The following DNAH3 variants were observed in gnomAD, a reference collection of about 807,000 sequenced individuals.
DNAH3 encodes the protein axonemal beta dynein heavy chain 3.
A neutral mutation model predicts 432.5 loss-of-function variants in DNAH3; 332 were observed. The ratio of observed to expected loss-of-function variants is 0.77; its 90% CI spans 0.70 to 0.84. The LOEUF is 0.84. Among genes scored for constraint, DNAH3 ranks in the 40% least tolerant of loss-of-function variants. The pLI, the probability that DNAH3 is intolerant of heterozygous loss-of-function variation, is 0.00. For missense variants in DNAH3, 4,861 were observed against 5,114.0 expected (o/e 0.95, Z 1.51); for synonymous variants, 1,956 against 1,900.2 (o/e 1.03, Z -0.76).
chr16:21,055,746 T>TTC (rs71928202), intron 27 of DNAH3, among the ~76,000 whole-genome samples: 1 of 47,820 alleles, frequency 2.1e-5, no homozygotes, highest in Non-Finnish European at 4.0e-5. Flanking sequence ...CAAATGCAGA[T>TTC]TTTTTTTTTT....
intron 17 of DNAH3, among the ~76,000 whole-genome samples, 171 bp from the exon 18 acceptor site, chr16:21,097,670 C>A (rs2091724417): frequency 6.6e-6 from 1 of 152,176 alleles, no homozygotes; most frequent in Non-Finnish European, 1.5e-5. Flanking sequence ...TGTCCCTCTG[C>A]CACCTCCAAG....
Position 20,994,951 on chromosome 16 carries a change from C to CT in DNAH3, c.6601+2331dup, listed in dbSNP as rs1555523275. On this transcript the variant is annotated intron_variant, in intron 44 of 61. Coordinates refer to ENST00000261383, the Ensembl canonical transcript of DNAH3. ...TAGTTTTTGGTTTCATTTTTCTTCT[C>CT]TTTTTTTTAGAGACAGGGTCTCACC... Among the ~76,000 whole-genome samples the CT allele has an allele frequency of 4.6e-5, 7 of 151,388 alleles. No individual in the cohort carries two copies. The East Asian group carries it at 1.2e-3, about 25-fold the overall frequency.
chr16:20,982,632 G>A (rs889170243), intron 49 of DNAH3, 89 bp downstream of exon 49: 1 of 1,102,156 alleles, frequency 9.1e-7, no homozygotes, highest in Non-Finnish European at 1.3e-6. Context: ...TACAAATTGA[G>A]AAATCTTCAA....
chr16:21,013,853 C>G (rs1310777760), intron 41 of DNAH3, among the ~76,000 whole-genome samples: 1 of 151,966 alleles, frequency 6.6e-6, no homozygotes, highest in Admixed American at 6.6e-5. Context: ...AGACCAATTC[C>G]TTGAAAGACA....
exon 62 of DNAH3, chr16:20,933,332 A>G (rs558284121): frequency 6.2e-7 from 1 of 1,614,214 alleles, no homozygotes; most frequent in African/African-American, 1.3e-5. Context: ...ATGCAGAAAC[A>G]TTGCGCTCTC....
chr16:21,053,452 C>G (rs1443123716), intron 28 of DNAH3, among the ~76,000 whole-genome samples: 1 of 152,090 alleles, frequency 6.6e-6, no homozygotes, highest in African/African-American at 2.4e-5. Context: ...TGTGCACTTG[C>G]ATGTGTGTGT....
chr16:21,086,746 G>C, intron 19 of DNAH3, 103 bp downstream of exon 19: 1 of 1,019,658 alleles, frequency 9.8e-7, no homozygotes, highest in Non-Finnish European at 1.5e-6. Context: ...GTCTCCTTTC[G>C]GAAAGGAGAA....
intron 50 of DNAH3, among the ~76,000 whole-genome samples, chr16:20,975,716 G>A (rs1359651029): frequency 6.6e-6 from 1 of 152,098 alleles, no homozygotes; most frequent in Non-Finnish European, 1.5e-5. Context: ...TTGTAGTGTT[G>A]GGGGTAATGG....
chr16:20,985,669 A>T, exon 48 of DNAH3: 1 of 1,614,142 alleles, frequency 6.2e-7, no homozygotes. Flanking sequence ...GAGGCTTCGA[A>T]TGTTATCATC....
At chr16:21,076,708 TC>T (rs113182674) in intron 20 of DNAH3, among the ~76,000 whole-genome samples, 4 of 152,036 alleles carry the variant, frequency 2.6e-5, no homozygotes, top group Admixed American at 6.6e-5. Context: ...CATTAATTAA[TC>T]CTTTTTTTTC....
rs1597133358 is a variant in DNAH3 at position 21,010,896 on chromosome 16, T to G, written c.6023-7689A>C. Among the ~76,000 whole-genome samples the G allele has an allele frequency of 2.6e-5, 4 of 151,166 alleles. No homozygotes were observed. In the South Asian group the frequency reaches 8.3e-4, roughly 31 times the overall value. ...ACGCCCGGCCAAAACCTGTTTTTTT[T>G]TTTTTGTTTTTTTTTGTTTTGTTTT... On this transcript the variant is annotated intron_variant, in intron 41 of 61. Transcript: ENST00000261383.
rs61746919 is a variant in DNAH3, at chr16:20,964,686, G to A, written c.9198C>T (p.Ile3066=). ...AATTGGATACAATGATGCCATTGTC[G>A]ATGGAGAAGGAGTCAACGGGAAGCC... Residue 3066 remains isoleucine (I), a synonymous_variant, in exon 53 of 62, where the codon ATC becomes ATT. Transcript: ENST00000261383. 114 of 1,614,046 alleles carry A rather than the reference G, an allele frequency of 7.1e-5. No homozygotes were observed. The Admixed American group carries it at 1.0e-3, about 14-fold the overall frequency.
At chr16:21,099,720 A>G (rs550672123) in intron 16 of DNAH3, among the ~76,000 whole-genome samples, 65 of 152,284 alleles carry the variant, frequency 4.3e-4, no homozygotes, top group South Asian at 3.1e-3. Flanking sequence ...AACAATAACA[A>G]AAAAAAGCTC....
chr16:21,042,835 C>T (rs2152734651), intron 31 of DNAH3, among the ~76,000 whole-genome samples: 1 of 152,274 alleles, frequency 6.6e-6, no homozygotes, highest in Non-Finnish European at 1.5e-5. Context: ...CACCACCCCA[C>T]AACGGTCCCC....
chr16:20,950,475 G>T (rs530142759), intron 56 of DNAH3, among the ~76,000 whole-genome samples: 1 of 152,238 alleles, frequency 6.6e-6, no homozygotes, highest in South Asian at 2.1e-4. Context: ...AGCCACTGGG[G>T]GCTGAAATCA....
intron 46 of DNAH3, 96 bp from the exon 47 acceptor site, chr16:20,987,544 T>G (rs985515406): frequency 6.4e-7 from 1 of 1,552,738 alleles, no homozygotes; most frequent in Admixed American, 1.8e-5. Flanking sequence ...ATTTGAGGAT[T>G]GAACTAGATA....
At chr16:20,970,388 G>A (rs892925574) in intron 51 of DNAH3, among the ~76,000 whole-genome samples, 8 of 152,154 alleles carry the variant, frequency 5.3e-5, no homozygotes, top group African/African-American at 1.7e-4. Context: ...GCCAGGCGTG[G>A]TGGTGGGCGC....
At chr16:21,099,543 T>C (rs1180967826) in intron 16 of DNAH3, among the ~76,000 whole-genome samples, 1 of 152,148 alleles carries the variant, frequency 6.6e-6, no homozygotes, top group Non-Finnish European at 1.5e-5. Flanking sequence ...TAGAATAATA[T>C]AGTGTGAAGT....
At chr16:21,077,445 G>A (rs1317043071) in intron 20 of DNAH3, among the ~76,000 whole-genome samples, 1 of 152,172 alleles carries the variant, frequency 6.6e-6, no homozygotes, top group Non-Finnish European at 1.5e-5. Flanking sequence ...TTACAGGCGT[G>A]AGCCACCATG....
Sources: gnomAD v4.1 joint callset for allele counts (sites outside exome capture counted in the v4.1 genomes callset) on GRCh38, gnomAD v4.1.1 for gene constraint, MANE v1.5 for transcripts, NCBI Gene and HGNC (gene_info 2026-07-23, HGNC 2026-07-21) for gene names.